SCIN: variants seen among roughly 807,000 people sequenced by gnomAD.
The protein encoded by SCIN is scinderin.
A neutral mutation model predicts 91.8 loss-of-function variants in SCIN; 91 were observed. The ratio of observed to expected loss-of-function variants is 0.99; its 90% CI spans 0.84 to 1.18. SCIN has a LOEUF of 1.18. Among genes scored for constraint, SCIN ranks in the 50% most tolerant of loss-of-function variants. The pLI is 0.00. For synonymous variants in SCIN, 367 were observed against 312.6 expected (o/e 1.17, Z -1.84); for missense variants, 1,087 against 863.9 (o/e 1.26, Z -3.24).
At chr7:12,640,857 T>C (rs1783844327) in intron 11 of SCIN, among the ~76,000 whole-genome samples, 1 of 152,174 alleles carries the variant, frequency 6.6e-6, no homozygotes, top group African/African-American at 2.4e-5. Context: ...AGGTGACTGA[T>C]CACACTGGAG....
chr7:12,573,149 CAG>C (rs1583268750), intron 1 of SCIN, among the ~76,000 whole-genome samples: 1 of 152,120 alleles, frequency 6.6e-6, no homozygotes, highest in South Asian at 2.1e-4. Context: ...CCTAAGAAAA[CAG>C]AATTTCATCC....
intron 3 of SCIN, among the ~76,000 whole-genome samples, chr7:12,589,810 A>T (rs933707540): frequency 1.3e-5 from 2 of 152,096 alleles, no homozygotes; most frequent in Admixed American, 6.5e-5. Flanking sequence ...GTATTCTCCT[A>T]GCTGAGAGTT....
chr7:12,649,551 C>A lies in SCIN; in HGVS notation c.1959+7C>A. The A allele has an allele frequency of 1.9e-6, 3 of 1,580,630 alleles. No individual in the cohort carries two copies. In the African/African-American group the frequency reaches 4.0e-5, roughly 21 times the overall value. On this transcript the variant is annotated splice_region_variant and intron_variant, in intron 14 of 15. Transcript: ENST00000297029. ...ACTAGATGCTTGGGAACAGGTAAAA[C>A]TACATTTTGTTCATAAGAAGAGAAT...
In SCIN at chr7:12,570,812, A is replaced by G. The variant is rs1352199267; in HGVS notation, c.26A>G (p.Glu9Gly). ...ATGGCGCGGGAGCTATACCACGAAGAGTTCGCCCGGGCGGGCAAGCAGGCG... is the reference window on the plus strand; with the variant it reads ...ATGGCGCGGGAGCTATACCACGAAGGGTTCGCCCGGGCGGGCAAGCAGGCG... MARELYHE[E>G]FARAGKQAGL... Residue 9 changes from glutamate (E) to glycine (G), a missense_variant, in exon 1 of 16, where the codon GAG (glutamate) becomes GGG (glycine). By Grantham distance (98) the Glu-to-Gly change is moderately conservative. Coordinates refer to ENST00000297029, the MANE Select transcript of SCIN (RefSeq NM_001112706.3). 5 of 1,551,308 alleles carry G rather than the reference A, an allele frequency of 3.2e-6. No homozygotes were observed. The highest frequency in any genetic ancestry group is 4.4e-6 in the Non-Finnish European group (5 of 1,146,944).
At chr7:12,611,816 G>A (rs1229555490) in intron 4 of SCIN, among the ~76,000 whole-genome samples, 1 of 152,112 alleles carries the variant, frequency 6.6e-6, no homozygotes. Flanking sequence ...GGAAGCTCTG[G>A]TGGGAGGATT....
chr7:12,608,493 T>A (rs769309734), intron 4 of SCIN, among the ~76,000 whole-genome samples: 49 of 152,192 alleles, frequency 3.2e-4, no homozygotes, highest in Non-Finnish European at 5.6e-4. Flanking sequence ...TTATTTATTT[T>A]TTGAGCTGGA....
rs1004303881 is a variant in SCIN at position 12,644,392 on chromosome 7, A to T, written c.1759+77A>T. ...GCTAATCATCTTTTTTTCACCAAAA[A>T]GTCACTTTCTAATGGCTTATAAGGG... is the stretch of plus-strand genomic sequence containing the variant. On this transcript the variant is annotated intron_variant, in intron 12 of 15. Coordinates refer to ENST00000297029, the MANE Select transcript of SCIN (RefSeq NM_001112706.3). The T allele has an allele frequency of 1.5e-5, 22 of 1,494,822 alleles. No homozygotes were observed. The African/African-American group carries it at 3.0e-4, about 20-fold the overall frequency. 92.6% of individuals were successfully genotyped at this position (1,494,822 alleles called of 1,614,324 possible). A position where few individuals can be genotyped will look rare whatever the true frequency, so the allele number is the denominator to read the frequency against.
chr7:12,637,988 G>A (rs1362600801), intron 10 of SCIN, among the ~76,000 whole-genome samples: 3 of 152,160 alleles, frequency 2.0e-5, no homozygotes, highest in Non-Finnish European at 4.4e-5. Context: ...CTGTGTCTAA[G>A]AGACTGCTGT....
At chr7:12,640,311 A>T (rs1487151086) in intron 10 of SCIN, 36 bp from the exon 11 acceptor site, 3 of 1,497,848 alleles carry the variant, frequency 2.0e-6, no homozygotes, top group Non-Finnish European at 2.7e-6. Flanking sequence ...CAGCACTCTT[A>T]ATTATATTTC....
At chr7:12,587,412 A>G (rs1015711238) in intron 3 of SCIN, among the ~76,000 whole-genome samples, 6 of 152,226 alleles carry the variant, frequency 3.9e-5, no homozygotes, top group Admixed American at 6.5e-5. Context: ...TCACTAATCT[A>G]TAACCTTCGT....
At position 12,570,757 on chromosome 7, in the gene SCIN, G is replaced by A. The variant is rs753326316; in HGVS notation, c.-30G>A. 5.8e-6 allele frequency: 9 copies of A among 1,544,702 alleles called. No individual in the cohort carries two copies. The highest frequency in any genetic ancestry group is 1.4e-5 in the African/African-American group (1 of 72,970). ...TTTAGTCCAAGATCAGCGATATCAC[G>A]CGTCCCCCGGAGCATCGCGTGCAGG... On this transcript the variant is annotated 5_prime_UTR_variant, in exon 1 of 16. Coordinates refer to ENST00000297029, the MANE Select transcript of SCIN (RefSeq NM_001112706.3).
chr7:12,589,266 G>C (rs2115225900), intron 3 of SCIN, among the ~76,000 whole-genome samples: 1 of 149,822 alleles, frequency 6.7e-6, no homozygotes, highest in East Asian at 2.0e-4. Context: ...GCCCAGGCTG[G>C]AGTGCAGTGG....
intron 4 of SCIN, among the ~76,000 whole-genome samples, chr7:12,620,391 A>C (rs184740103): frequency 4.6e-5 from 7 of 151,880 alleles, no homozygotes; most frequent in African/African-American, 1.4e-4. Flanking sequence ...CCATTCTACC[A>C]CTCTATTTCT....
In SCIN at chr7:12,648,752, G is replaced by A. The variant is rs115991693; in HGVS notation, c.1882-715G>A. On this transcript the variant is annotated intron_variant, in intron 13 of 15. Transcript: ENST00000297029. ...AAGTACAGAGGATTGTGAGCAAATT[G>A]ACTATATATGTGGGCATTCAAATGT... Among the ~76,000 whole-genome samples, 1,082 of 152,286 alleles carry A rather than the reference G, an allele frequency of 7.1e-3. 12 individuals carry two copies. Among genetic ancestry groups the A allele is most frequent in the African/African-American group, 0.025 (1,022 of 41,556 alleles).
At chr7:12,639,641 CT>C (rs796531198) in intron 10 of SCIN, among the ~76,000 whole-genome samples, 3 of 149,768 alleles carry the variant, frequency 2.0e-5, no homozygotes, top group Middle Eastern at 3.5e-3. Context: ...AATAATTTCC[CT>C]TTTTTTTTCA....
chr7:12,621,749 A>G (rs1424702912), intron 4 of SCIN, among the ~76,000 whole-genome samples: 1 of 151,616 alleles, frequency 6.6e-6, no homozygotes, highest in African/African-American at 2.4e-5. Context: ...CACAGTACAA[A>G]TAAAAAGATA....
chr7:12,654,633 T>C lies in SCIN; in HGVS notation c.*1918T>C, dbSNP rs927534514. On this transcript the variant is annotated 3_prime_UTR_variant, in exon 16 of 16. Transcript: ENST00000297029. ...TAATAAGTAGTACTTTTTCACAAAATTAGTAAAGGTCAAGGTGAGTGGCTT... is the reference window on the plus strand; with the variant it reads ...TAATAAGTAGTACTTTTTCACAAAACTAGTAAAGGTCAAGGTGAGTGGCTT... 7.2e-5 allele frequency: 11 copies of C among 152,170 alleles called. No individual in the cohort carries two copies. Among genetic ancestry groups the C allele is most frequent in the African/African-American group, 2.7e-4 (11 of 41,444 alleles). The allele number at this position is 152,170 out of a possible 1,614,324, so 9.4% of individuals were successfully genotyped here. A position where few individuals can be genotyped will look rare whatever the true frequency, so the allele number is the denominator to read the frequency against.
At chr7:12,647,966 T>C (rs1783998653) in intron 13 of SCIN, among the ~76,000 whole-genome samples, 1 of 152,124 alleles carries the variant, frequency 6.6e-6, no homozygotes, top group African/African-American at 2.4e-5. Flanking sequence ...GTCAGCTCCA[T>C]AGCACCGCAA....
At chr7:12,649,676 C>T (rs1285453776) in intron 14 of SCIN, 132 bp downstream of exon 14, 1 of 475,752 alleles carries the variant, frequency 2.1e-6, no homozygotes, top group African/African-American at 2.0e-5. Flanking sequence ...AACACACACA[C>T]ACATTTGGTA....
Sources: gnomAD v4.1 joint callset for allele counts (sites outside exome capture counted in the v4.1 genomes callset) on GRCh38, gnomAD v4.1.1 for gene constraint, MANE v1.5 for transcripts, NCBI Gene and HGNC (gene_info 2026-07-23, HGNC 2026-07-21) for gene names.